The following DDX49 variants were observed in gnomAD, a reference collection of about 807,000 sequenced individuals.
DDX49 encodes the protein probable ATP-dependent RNA helicase DDX49.
A neutral mutation model predicts 56.3 loss-of-function variants in DDX49; 50 were observed. The observed-to-expected ratio is 0.89, with a 90% CI of 0.71 to 1.12. The LOEUF is 1.12. Among genes scored for constraint, DDX49 ranks in the 50% most tolerant of loss-of-function variants. The pLI is 0.00. For missense variants in DDX49, 614 were observed against 650.5 expected (o/e 0.94, Z 0.61); for synonymous variants, 269 against 270.6 (o/e 0.99, Z 0.06).
chr19:18,920,805 G>A, intron 2 of DDX49, 102 bp downstream of exon 2: 1 of 1,282,188 alleles, frequency 7.8e-7, no homozygotes, highest in Non-Finnish European at 1.1e-6. Flanking sequence ...TGTGAGATGA[G>A]CATGAAAATC....
intron 6 of DDX49, 92 bp downstream of exon 6, chr19:18,922,836 C>CA: frequency 2.7e-6 from 4 of 1,477,434 alleles, no homozygotes; most frequent in Non-Finnish European, 3.7e-6. Flanking sequence ...AGTCTCAGCA[C>CA]TCCCCAGCCT....
chr19:18,920,533 G>A, intron 1 of DDX49, 47 bp from the exon 2 acceptor site: 1 of 1,552,172 alleles, frequency 6.4e-7, no homozygotes. Flanking sequence ...CTGAAACCCA[G>A]CTGTCCACAC....
chr19:18,921,074 G>C (rs2056912512), intron 2 of DDX49, among the ~76,000 whole-genome samples: 2 of 152,008 alleles, frequency 1.3e-5, no homozygotes, highest in Non-Finnish European at 2.9e-5. Context: ...CCAGGAGGCG[G>C]AGGTTGCGGT....
rs61750860 is a variant in DDX49, at chr19:18,924,619, G to A, written c.853-4G>A. ...TTCCCAATTTTCTTCCCAACCCTGT[G>A]CAGAAAGAACGCTTTGCCGCCCTAG... On this transcript the variant is annotated splice_polypyrimidine_tract_variant and splice_region_variant and intron_variant, in intron 7 of 12. Transcript: ENST00000247003. 4 of 1,614,002 alleles carry A rather than the reference G, an allele frequency of 2.5e-6. No homozygotes were observed. The highest frequency in any genetic ancestry group is 2.7e-5 in the African/African-American group (2 of 74,906).
intron 6 of DDX49, 53 bp downstream of exon 6, chr19:18,922,797 C>T: frequency 6.3e-7 from 1 of 1,588,090 alleles, no homozygotes. Context: ...AGGAGGTGGC[C>T]CGACGTCTTT....
At chr19:18,925,730 AG>A (rs2056955880) in intron 9 of DDX49, among the ~76,000 whole-genome samples, 1 of 152,052 alleles carries the variant, frequency 6.6e-6, no homozygotes, top group Non-Finnish European at 1.5e-5. Context: ...CTCGTCAGGG[AG>A]GGGCATGGTG....
Position 18,924,931 on chromosome 19 carries a change from G to A in DDX49, c.979G>A (p.Gly327Arg), listed in dbSNP as rs139952910. ...GGTGGTCATCAACCACAACACCCCC[G>A]GGCTCCCCAAGATCTACATCCACCG... ...VQVVINHNTP[G>R]LPKIYIHRVG... Residue 327 changes from glycine to arginine, a missense_variant, in exon 9 of 13, where the codon GGG becomes AGG. By Grantham distance (125) the Gly-to-Arg change is moderately radical. Coordinates refer to ENST00000247003, the MANE Select transcript of DDX49 (RefSeq NM_019070.5). The A allele has an allele frequency of 1.4e-4, 228 of 1,612,774 alleles. No homozygotes were observed. The highest frequency in any genetic ancestry group is 7.8e-4 in the East Asian group (35 of 44,888).
intron 1 of DDX49, 108 bp from the exon 2 acceptor site, chr19:18,920,471 TG>T: frequency 8.3e-7 from 1 of 1,209,088 alleles, no homozygotes; most frequent in Non-Finnish European, 1.2e-6. Flanking sequence ...CAAATGGATA[TG>T]GGTTCCAGTC....
chr19:18,928,106 C>T, intron 12 of DDX49, 22 bp from the exon 13 acceptor site: 1 of 1,612,050 alleles, frequency 6.2e-7, no homozygotes, highest in Non-Finnish European at 8.5e-7. Context: ...GCTCAGCCAT[C>T]CCCTGGTCCT....
At chr19:18,923,870 C>T (rs1362710190) in intron 6 of DDX49, among the ~76,000 whole-genome samples, 2 of 149,492 alleles carry the variant, frequency 1.3e-5, no homozygotes, top group Non-Finnish European at 3.0e-5. Context: ...TGCAATGGCG[C>T]AATCTCGGCT....
At chr19:18,922,036 G>T in intron 4 of DDX49, 72 bp downstream of exon 4, 1 of 1,533,556 alleles carries the variant, frequency 6.5e-7, no homozygotes, top group Non-Finnish European at 8.8e-7. Flanking sequence ...CAGAGCCTGG[G>T]GCACCATCTC....
At chr19:18,926,425 A>G (rs775791473) in intron 10 of DDX49, 48 bp downstream of exon 10, 166 of 542,116 alleles carry the variant, frequency 3.1e-4, no homozygotes, top group Non-Finnish European at 5.0e-4. Context: ...TGGGGTGGGC[A>G]GAGGTGGGCA....
In DDX49 at chr19:18,927,796, A is replaced by G. The variant is rs745535358; in HGVS notation, c.1133A>G (p.Glu378Gly). 6.2e-7 allele frequency: 1 copy of G among 1,613,928 alleles called. No individual in the cohort carries two copies. The highest frequency in any genetic ancestry group is 1.1e-5 in the South Asian group (1 of 91,056). ...AAGCTGGAGGAGTTCTCCGTGGAAG[A>G]GGCCGAGGTGCTACAGATCCTCACA... ...KKKLEEFSVE[E>G]AEVLQILTQV... Residue 378 changes from glutamate to glycine, a missense_variant, in exon 11 of 13, where the codon GAG (glutamate) becomes GGG (glycine). By Grantham distance (98) the Glu-to-Gly change is moderately conservative. Transcript: ENST00000247003.
chr19:18,923,262 C>T (rs150346158), intron 6 of DDX49, among the ~76,000 whole-genome samples: 4,106 of 152,296 alleles, frequency 0.027, 94 homozygotes, highest in Non-Finnish European at 0.041. Context: ...TGACTCACAC[C>T]TGTAATCCCA....
At chr19:18,925,905 A>G (rs1385356606) in intron 9 of DDX49, among the ~76,000 whole-genome samples, 1 of 152,224 alleles carries the variant, frequency 6.6e-6, no homozygotes, top group African/African-American at 2.4e-5. Context: ...TGGGGCTGCC[A>G]TGAGGGTCAC....
chr19:18,924,152 G>T (rs2056941381), intron 6 of DDX49, 81 bp from the exon 7 acceptor site: 2 of 1,382,448 alleles, frequency 1.4e-6, no homozygotes, highest in Admixed American at 3.4e-5. Context: ...TGTGCTAGGT[G>T]TCTCAGGGGC....
At chr19:18,921,089 C>A (rs1393362966) in intron 2 of DDX49, among the ~76,000 whole-genome samples, 1 of 150,874 alleles carries the variant, frequency 6.6e-6, no homozygotes, top group Non-Finnish European at 1.5e-5. Context: ...TGCGGTGAGC[C>A]AAGATCGTGC....
intron 8 of DDX49, 58 bp downstream of exon 8, chr19:18,924,757 A>G (rs2056947361): frequency 6.2e-7 from 1 of 1,613,624 alleles, no homozygotes; most frequent in South Asian, 1.1e-5. Context: ...AAGGCCCCAC[A>G]GATGAGAAGG....
intron 2 of DDX49, 42 bp from the exon 3 acceptor site, chr19:18,921,621 A>G (rs373129187): frequency 6.3e-7 from 1 of 1,590,930 alleles, no homozygotes; most frequent in Non-Finnish European, 8.6e-7. Flanking sequence ...GGGCAGGTCC[A>G]GAACCACTAC....
Sources: gnomAD v4.1 joint callset for allele counts (sites outside exome capture counted in the v4.1 genomes callset) on GRCh38, gnomAD v4.1.1 for gene constraint, MANE v1.5 for transcripts, NCBI Gene and HGNC (gene_info 2026-07-23, HGNC 2026-07-21) for gene names.